Variants in CYFIP2 observed in about 807,000 individuals in gnomAD.
CYFIP2 encodes the protein cytoplasmic FMR1 interacting protein 2.
In CYFIP2, 29 loss-of-function variants were observed where a neutral mutation model predicts 158.7. The ratio of observed to expected loss-of-function variants is 0.18; its 90% confidence interval spans 0.14 to 0.25. CYFIP2 has a LOEUF of 0.25. Ranked by LOEUF, CYFIP2 falls within the 10% of genes least tolerant of loss-of-function variation. CYFIP2 has a pLI of 1.00. For missense variants in CYFIP2, 852 were observed against 1,639.5 expected (o/e 0.52, Z 8.29); for synonymous variants, 585 against 617.6 (o/e 0.95, Z 0.78).
At chr5:157,340,963 A>G in intron 22 of CYFIP2, 107 bp from the exon 23 acceptor site, 2 of 959,130 alleles carry the variant, frequency 2.1e-6, no homozygotes, top group Non-Finnish European at 3.3e-6. Flanking sequence ...GTGCACTTGT[A>G]CCAGTGCAAA....
Position 157,314,960 on chromosome 5 carries a change from T to C in CYFIP2, c.1231-9T>C. The C allele has an allele frequency of 6.4e-7, 1 of 1,557,920 alleles. No individual in the cohort carries two copies. The highest frequency in any genetic ancestry group is 8.7e-7 in the Non-Finnish European group (1 of 1,150,004). ...TGATGGACGTTTGGTTTGTTCCCAC[T>C]CTCCCCAGTACTCTTGGAAGCTGGT... On this transcript the variant is annotated splice_polypyrimidine_tract_variant and intron_variant, in intron 12 of 30. Coordinates refer to ENST00000620254, the MANE Select transcript of CYFIP2 (RefSeq NM_001037333.3).
Position 157,330,742 on chromosome 5 carries a change from T to C in CYFIP2, c.2157T>C (p.Ser719=), listed in dbSNP as rs1419680574. 1.9e-6 allele frequency: 3 copies of C among 1,613,466 alleles called. No individual in the cohort carries two copies. Among genetic ancestry groups the C allele is most frequent in the South Asian group, 2.2e-5 (2 of 91,090 alleles). ...IFAYYKAMAG[S]VLLDKRFRAE... is the part of the protein sequence containing the mutation. ...CTTGTTTCACTTTTATTCCTTGCAG[T>C]GTCCTGTTGGATAAACGTTTTCGAG... The change falls in exon 20 of 31, where the codon AGT becomes AGC. Residue 719 remains serine, a splice_region_variant and synonymous_variant. Transcript: ENST00000620254.
At chr5:157,283,866 C>G (rs139650143) in intron 1 of CYFIP2, among the ~76,000 whole-genome samples, 20 of 152,228 alleles carry the variant, frequency 1.3e-4, no homozygotes, top group East Asian at 3.9e-4. Context: ...CCTTTTCCCC[C>G]CTAATGTTAG....
At chr5:157,362,216 G>A (rs1763897613) in intron 26 of CYFIP2, among the ~76,000 whole-genome samples, 1 of 152,182 alleles carries the variant, frequency 6.6e-6, no homozygotes, top group Non-Finnish European at 1.5e-5. Flanking sequence ...CCAGCTTGTG[G>A]GTATGGCTTC....
At chr5:157,290,125 G>A (rs755889030) in intron 3 of CYFIP2, among the ~76,000 whole-genome samples, 19 of 152,158 alleles carry the variant, frequency 1.2e-4, no homozygotes, top group Non-Finnish European at 1.6e-4. Flanking sequence ...CGGAAGGAGG[G>A]GTTAGGTTGG....
intron 28 of CYFIP2, among the ~76,000 whole-genome samples, chr5:157,388,714 T>C (rs957214481): frequency 1.5e-4 from 23 of 152,366 alleles, no homozygotes; most frequent in African/African-American, 5.0e-4. Context: ...ACTCACTGGC[T>C]GCCTCTCTGA....
chr5:157,376,791 G>T, intron 26 of CYFIP2: 1 of 429,918 alleles, frequency 2.3e-6, no homozygotes, highest in Non-Finnish European at 4.7e-6. Context: ...CCTGGGGTCA[G>T]CCTCCATCCC....
intron 23 of CYFIP2, among the ~76,000 whole-genome samples, chr5:157,344,758 G>A (rs1581108926): frequency 6.6e-6 from 1 of 152,178 alleles, no homozygotes; most frequent in East Asian, 1.9e-4. Context: ...ATTTTGGGTT[G>A]CAGTGACATA....
chr5:157,390,472 C>CCCA, intron 29 of CYFIP2, 49 bp from the exon 30 acceptor site: 1 of 1,435,144 alleles, frequency 7.0e-7, no homozygotes, highest in Non-Finnish European at 9.5e-7. Flanking sequence ...CCCTCCCTGC[C>CCCA]CTCCTCCCCC....
At chr5:157,388,015 G>T (rs567010313) in intron 28 of CYFIP2, among the ~76,000 whole-genome samples, 25 of 152,184 alleles carry the variant, frequency 1.6e-4, no homozygotes, top group Non-Finnish European at 3.7e-4. Context: ...AGCTTCCGGG[G>T]TAGGTCAGGC....
At chr5:157,277,749 A>G (rs1756677311) in intron 1 of CYFIP2, among the ~76,000 whole-genome samples, 1 of 152,186 alleles carries the variant, frequency 6.6e-6, no homozygotes, top group Non-Finnish European at 1.5e-5. Context: ...TGGAAAATAG[A>G]GTCATTACCA....
intron 23 of CYFIP2, among the ~76,000 whole-genome samples, chr5:157,350,975 T>C (rs1364257126): frequency 6.6e-6 from 1 of 152,214 alleles, no homozygotes; most frequent in East Asian, 1.9e-4. Context: ...TTTCTAGGTA[T>C]ACAGTCATAT....
rs537211597 is a variant in CYFIP2 at position 157,314,074 on chromosome 5, G to T, written c.1111-270G>T. On this transcript the variant is annotated intron_variant, in intron 11 of 30. Transcript: ENST00000620254. The stretch of plus-strand genomic sequence containing the variant: ...CCCTGTCTCTAAAAGAAGAATAAAA[G>T]AAAAACATATTGGTGCATACATAAA... Among the ~76,000 whole-genome samples the T allele has an allele frequency of 4.5e-4, 68 of 152,128 alleles. 1 individual carries two copies. The highest frequency in any genetic ancestry group is 1.2e-3 in the South Asian group (6 of 4,822).
chr5:157,309,847 C>A lies in CYFIP2; in HGVS notation c.992+13C>A. 2 of 1,577,892 alleles carry A rather than the reference C, an allele frequency of 1.3e-6. No individual in the cohort carries two copies. Among genetic ancestry groups the A allele is most frequent in the African/African-American group, 1.3e-5 (1 of 74,268 alleles). On this transcript the variant is annotated intron_variant, in intron 10 of 30. Coordinates refer to ENST00000620254, the MANE Select transcript of CYFIP2 (RefSeq NM_001037333.3). ...AGAACAAGTCCAAGTGAGTGCCTGCCGTAATGTCTCTCGGCTCCCGCAAGG... is the reference window on the plus strand; with the variant it reads ...AGAACAAGTCCAAGTGAGTGCCTGCAGTAATGTCTCTCGGCTCCCGCAAGG...
chr5:157,299,053 A>T (rs541855530), intron 5 of CYFIP2, among the ~76,000 whole-genome samples: 80 of 152,280 alleles, frequency 5.3e-4, no homozygotes, highest in African/African-American at 1.8e-3. Context: ...GTGTGGACGT[A>T]TGTTTTCATG....
At chr5:157,300,600 CT>C in intron 5 of CYFIP2, 114 bp from the exon 6 acceptor site, 3 of 932,772 alleles carry the variant, frequency 3.2e-6, no homozygotes, top group Non-Finnish European at 4.3e-6. Context: ...GAAAAATTGC[CT>C]GGCAGATTTG....
chr5:157,276,050 A>G (rs376417488), intron 1 of CYFIP2, among the ~76,000 whole-genome samples: 2 of 152,080 alleles, frequency 1.3e-5, no homozygotes, highest in South Asian at 4.1e-4. Context: ...TTTTTAGTGG[A>G]TTTTTCTTGG....
Position 157,314,958 on chromosome 5 carries a change from A to G in CYFIP2, c.1231-11A>G. 1.3e-6 allele frequency: 2 copies of G among 1,556,624 alleles called. No homozygotes were observed. The highest frequency in any genetic ancestry group is 1.7e-6 in the Non-Finnish European group (2 of 1,149,390). Reference sequence around the variant, plus strand: ...GTTGATGGACGTTTGGTTTGTTCCCACTCTCCCCAGTACTCTTGGAAGCTG... The same window carrying G: ...GTTGATGGACGTTTGGTTTGTTCCCGCTCTCCCCAGTACTCTTGGAAGCTG... On this transcript the variant is annotated splice_polypyrimidine_tract_variant and intron_variant, in intron 12 of 30. Coordinates refer to ENST00000620254, the MANE Select transcript of CYFIP2 (RefSeq NM_001037333.3).
chr5:157,386,488 C>T (rs1455679465), intron 28 of CYFIP2, among the ~76,000 whole-genome samples: 1 of 152,162 alleles, frequency 6.6e-6, no homozygotes, highest in Admixed American at 6.5e-5. Context: ...CAGGTAGATG[C>T]ACACGGATCA....
Sources: allele counts gnomAD v4.1 joint callset (sites outside exome capture counted in the v4.1 genomes callset), GRCh38; gene constraint gnomAD v4.1.1; transcripts MANE v1.5; gene names NCBI Gene and HGNC (gene_info 2026-07-23, HGNC 2026-07-21).